Variants in SAMMSON observed in about 807,000 individuals in gnomAD.
The protein encoded by SAMMSON is survival associated mitochondrial melanoma specific oncogenic non-coding RNA.
At chr3:70,165,638 G>T (rs959489632) in intron 4 of SAMMSON, among the ~76,000 whole-genome samples, 1 of 151,940 alleles carries the variant, frequency 6.6e-6, no homozygotes, top group African/African-American at 2.4e-5. Flanking sequence ...GGAAGTTGTT[G>T]TCCAGAAATG....
At chr3:70,369,164 T>C (rs1702944790) in intron 9 of SAMMSON, among the ~76,000 whole-genome samples, 1 of 151,692 alleles carries the variant, frequency 6.6e-6, no homozygotes, top group African/African-American at 2.4e-5. Context: ...ACTCCAATTA[T>C]TTGAAAGCCA....
At chr3:70,041,527 T>G (rs938864339) in intron 3 of SAMMSON, among the ~76,000 whole-genome samples, 6 of 152,090 alleles carry the variant, frequency 3.9e-5, no homozygotes, top group African/African-American at 1.4e-4. Context: ...TAATAATGCT[T>G]GTAAAGCCCT....
rs187811393 is a variant in SAMMSON, at chr3:70,395,164, C to T, written n.233+36840C>T. Among the ~76,000 whole-genome samples the T allele has an allele frequency of 2.5e-3, 373 of 152,194 alleles. 2 individuals are homozygous for T. The highest frequency in any genetic ancestry group is 8.5e-3 in the African/African-American group (352 of 41,550). ...TTCAGGCCCACCCTGGGGAATGAGA[C>T]GCCCTGGTCCCTGTTGCTTTTGAGC... On this transcript the variant is annotated intron_variant and non_coding_transcript_variant, in intron 2 of 3. Coordinates refer to the SAMMSON transcript ENST00000641053.
At chr3:70,081,438 T>A (rs929641433) in intron 4 of SAMMSON, among the ~76,000 whole-genome samples, 7 of 152,180 alleles carry the variant, frequency 4.6e-5, no homozygotes, top group African/African-American at 1.2e-4. Context: ...TCACCACTTA[T>A]AATTTCCTAA....
At chr3:70,098,124 T>G (rs1380921828) in intron 4 of SAMMSON, among the ~76,000 whole-genome samples, 2 of 152,204 alleles carry the variant, frequency 1.3e-5, no homozygotes, top group African/African-American at 4.8e-5. Context: ...TGTGGATTTT[T>G]GGGGGATAGA....
intron 2 of SAMMSON, among the ~76,000 whole-genome samples, chr3:70,407,079 C>T (rs1701183485): frequency 6.6e-6 from 1 of 152,146 alleles, no homozygotes; most frequent in South Asian, 2.1e-4. Flanking sequence ...CTGATATAAC[C>T]ATCAGATCTT....
intron 4 of SAMMSON, among the ~76,000 whole-genome samples, chr3:70,134,046 T>G (rs2067494737): frequency 6.8e-6 from 1 of 146,962 alleles, no homozygotes; most frequent in South Asian, 2.1e-4. Context: ...GTTCGAGACC[T>G]GTCTGGCCAA....
intron 4 of SAMMSON, among the ~76,000 whole-genome samples, chr3:70,168,513 A>T (rs2067646992): frequency 1.3e-5 from 2 of 152,066 alleles, no homozygotes; most frequent in Admixed American, 1.3e-4. Context: ...ATGCAAAGCC[A>T]GTCAACGAAG....
intron 2 of SAMMSON, among the ~76,000 whole-genome samples, chr3:70,407,551 A>G (rs1701186259): frequency 6.6e-6 from 1 of 152,218 alleles, no homozygotes; most frequent in African/African-American, 2.4e-5. Context: ...GTCAAATTTT[A>G]AAGCTTCAAA....
intron 4 of SAMMSON, among the ~76,000 whole-genome samples, chr3:70,086,487 T>C (rs2067286027): frequency 6.6e-6 from 1 of 152,238 alleles, no homozygotes; most frequent in Admixed American, 6.5e-5. Context: ...TAAAATCCAC[T>C]GGGTTGTCTG....
chr3:70,054,484 T>C (rs1289575236), intron 3 of SAMMSON, among the ~76,000 whole-genome samples: 1 of 152,134 alleles, frequency 6.6e-6, no homozygotes, highest in Non-Finnish European at 1.5e-5. Flanking sequence ...TTGCATCCTC[T>C]CTTGTTCGGT....
chr3:70,213,522 A>G (rs776615417), intron 4 of SAMMSON, among the ~76,000 whole-genome samples: 2 of 152,142 alleles, frequency 1.3e-5, no homozygotes. Context: ...TACTGTAGTT[A>G]TCCGTGGCTG....
chr3:70,289,035 A>G lies in SAMMSON; in HGVS notation n.675-2144A>G, dbSNP rs571697719. On this transcript the variant is annotated intron_variant and non_coding_transcript_variant, in intron 6 of 9. Transcript: ENST00000642114. The stretch of plus-strand genomic sequence containing the variant: ...TCCAGTTTGCCAGTCTGTGTCTTTT[A>G]ATTGGAGCATTTAGCCCATTTACAT... Among the ~76,000 whole-genome samples the G allele has an allele frequency of 4.6e-5, 7 of 152,180 alleles. No homozygotes were observed. In the South Asian group the frequency reaches 1.2e-3, roughly 27 times the overall value.
At chr3:70,372,490 G>A (rs771334848) in intron 9 of SAMMSON, among the ~76,000 whole-genome samples, 1 of 151,914 alleles carries the variant, frequency 6.6e-6, no homozygotes, top group Non-Finnish European at 1.5e-5. Context: ...AGTAGAGACG[G>A]GGTTTCACCA....
intron 4 of SAMMSON, among the ~76,000 whole-genome samples, chr3:70,096,270 G>A (rs1405414167): frequency 6.6e-6 from 1 of 152,140 alleles, no homozygotes; most frequent in East Asian, 1.9e-4. Context: ...CTTGGCTGGT[G>A]CAGTGGCTCA....
chr3:70,074,034 T>C (rs2067239449), intron 4 of SAMMSON, among the ~76,000 whole-genome samples: 1 of 151,864 alleles, frequency 6.6e-6, no homozygotes, highest in African/African-American at 2.4e-5. Flanking sequence ...ACTATTACTA[T>C]TATTATTTTT....
intron 4 of SAMMSON, among the ~76,000 whole-genome samples, chr3:70,201,157 G>A (rs557611113): frequency 6.6e-6 from 1 of 152,086 alleles, no homozygotes; most frequent in East Asian, 1.9e-4. Flanking sequence ...CAGGTATTAA[G>A]TCTAGTACTC....
At chr3:70,426,145 A>G (rs1701365852) in intron 2 of SAMMSON, among the ~76,000 whole-genome samples, 1 of 152,338 alleles carries the variant, frequency 6.6e-6, no homozygotes, top group South Asian at 2.1e-4. Context: ...TATTAAACAT[A>G]AAATGACATG....
At position 70,372,822 on chromosome 3, in the gene SAMMSON, A is replaced by G. The variant is rs1702981377; in HGVS notation, n.913+14498A>G. Among the ~76,000 whole-genome samples, 4 of 152,176 alleles carry G rather than the reference A, an allele frequency of 2.6e-5. No individual in the cohort carries two copies. In the South Asian group the frequency reaches 8.3e-4, roughly 32 times the overall value. ...GTATAATTCTTTGTATAACTCTTCT[A>G]GCAGTTGCTCTAGCTGTGTATTTTA... On this transcript the variant is annotated intron_variant and non_coding_transcript_variant, in intron 9 of 9. Transcript: ENST00000642114.
Sources: allele counts gnomAD v4.1 joint callset (sites outside exome capture counted in the v4.1 genomes callset), GRCh38; gene constraint gnomAD v4.1.1; transcripts MANE v1.5; gene names NCBI Gene and HGNC (gene_info 2026-07-23, HGNC 2026-07-21).